Variants in NRXN1 observed in about 807,000 individuals in gnomAD.
NRXN1 encodes neurexin-1.
In NRXN1, 39 loss-of-function variants were observed where a neutral mutation model predicts 150.9. The ratio of observed to expected loss-of-function variants is 0.26; its 90% CI spans 0.20 to 0.34. The LOEUF is 0.34. Ranked by LOEUF, NRXN1 falls within the 10% of genes least tolerant of loss-of-function variation. The pLI, the probability that NRXN1 is intolerant of heterozygous loss-of-function variation, is 1.00. For synonymous variants in NRXN1, 924 were observed against 757.0 expected (o/e 1.22, Z -3.62); for missense variants, 1,815 against 1,949.9 (o/e 0.93, Z 1.30).
intron 17 of NRXN1, among the ~76,000 whole-genome samples, chr2:50,406,613 G>T (rs2082766389): frequency 6.6e-6 from 1 of 152,098 alleles, no homozygotes; most frequent in Admixed American, 6.6e-5. Context: ...GACAGAAAAG[G>T]AAGTTATATT....
chr2:49,932,223 C>G (rs1314629747), intron 22 of NRXN1, among the ~76,000 whole-genome samples: 1 of 152,004 alleles, frequency 6.6e-6, no homozygotes, highest in South Asian at 2.1e-4. Context: ...CCAGACTAGC[C>G]TGGGCAACAA....
chr2:50,309,731 T>C (rs187398288), intron 17 of NRXN1, among the ~76,000 whole-genome samples: 3 of 152,308 alleles, frequency 2.0e-5, no homozygotes, highest in African/African-American at 7.2e-5. Flanking sequence ...ATGGGACCCT[T>C]GCCAGCTGCC....
intron 5 of NRXN1, among the ~76,000 whole-genome samples, chr2:50,866,916 TACTA>T (rs1288752576): frequency 1.3e-5 from 2 of 152,068 alleles, no homozygotes; most frequent in African/African-American, 4.8e-5. Context: ...GCACAATCAC[TACTA>T]ACTGACAATG....
chr2:50,570,154 A>T (rs1489221161), intron 8 of NRXN1, among the ~76,000 whole-genome samples: 1 of 152,202 alleles, frequency 6.6e-6, no homozygotes, highest in Admixed American at 6.5e-5. Context: ...CCAATATCAA[A>T]GCAGGAATGT....
intron 2 of NRXN1, among the ~76,000 whole-genome samples, chr2:50,942,800 C>G (rs1575005051): frequency 6.6e-6 from 1 of 152,212 alleles, no homozygotes; most frequent in East Asian, 1.9e-4. Context: ...TGGACTTGGA[C>G]TTTTGAGTTA....
intron 2 of NRXN1, among the ~76,000 whole-genome samples, chr2:50,999,381 A>T (rs1553474806): frequency 6.6e-6 from 1 of 151,990 alleles, no homozygotes; most frequent in Non-Finnish European, 1.5e-5. Flanking sequence ...TAGAAAGGCA[A>T]ATAATCAGGA....
intron 21 of NRXN1, 127 bp downstream of exon 21, chr2:50,053,144 T>A (rs1007817820): frequency 2.3e-6 from 2 of 884,318 alleles, no homozygotes; most frequent in Non-Finnish European, 3.8e-6. Flanking sequence ...GTTAAGCTAG[T>A]TTCAAAGGAA....
At chr2:50,489,632 G>T (rs1199686695) in intron 15 of NRXN1, among the ~76,000 whole-genome samples, 1 of 152,068 alleles carries the variant, frequency 6.6e-6, no homozygotes, top group Non-Finnish European at 1.5e-5. Context: ...AAGTTCACGT[G>T]ATTCTAATGG....
rs1411686205 is a variant in NRXN1 at position 50,506,363 on chromosome 2, A to C, written c.2497+132T>G. On this transcript the variant is annotated intron_variant, in intron 13 of 22. Coordinates refer to ENST00000401669, the MANE Select transcript of NRXN1 (RefSeq NM_001330078.2). ...TTATTTAATAAAATAGTTACTAGAA[A>C]AAAATAGAATAAAAATGGATTGTGT... The C allele has an allele frequency of 7.9e-6, 6 of 758,150 alleles. No homozygotes were observed. In the South Asian group the frequency reaches 2.2e-4, roughly 28 times the overall value. The allele number at this position is 758,150 out of a possible 1,614,324, so 47.0% of individuals were successfully genotyped here.
At chr2:50,440,321 G>A (rs1250267422) in intron 17 of NRXN1, among the ~76,000 whole-genome samples, 1 of 152,082 alleles carries the variant, frequency 6.6e-6, no homozygotes, top group Non-Finnish European at 1.5e-5. Context: ...GTTTGGAGAT[G>A]GGATGCCGAG....
chr2:50,431,468 T>C (rs1170406841), intron 17 of NRXN1, among the ~76,000 whole-genome samples: 1 of 152,178 alleles, frequency 6.6e-6, no homozygotes, highest in Non-Finnish European at 1.5e-5. Context: ...AGAAAATCAA[T>C]TTTCAGCCTA....
At chr2:50,841,002 G>A (rs1672785365) in intron 5 of NRXN1, 1 of 152,552 alleles carries the variant, frequency 6.6e-6, no homozygotes, top group African/African-American at 2.4e-5. Context: ...CATAAATTCA[G>A]CTATGTCAAC....
At chr2:50,058,336 G>C (rs568982889) in intron 19 of NRXN1, among the ~76,000 whole-genome samples, 2 of 152,210 alleles carry the variant, frequency 1.3e-5, no homozygotes, top group East Asian at 3.9e-4. Flanking sequence ...AAGAAAGGTA[G>C]CCACACAAGG....
At chr2:50,172,036 T>A (rs1195849112) in intron 18 of NRXN1, among the ~76,000 whole-genome samples, 2 of 152,180 alleles carry the variant, frequency 1.3e-5, no homozygotes, top group African/African-American at 4.8e-5. Context: ...AGAAGAGAAT[T>A]CAGTACCTAT....
At chr2:50,821,604 T>C (rs1669741155) in intron 5 of NRXN1, among the ~76,000 whole-genome samples, 1 of 152,172 alleles carries the variant, frequency 6.6e-6, no homozygotes, top group Admixed American at 6.5e-5. Context: ...AGGTTAAGTG[T>C]CTTGTGAAAG....
At chr2:50,014,543 G>A (rs117641519) in intron 21 of NRXN1, among the ~76,000 whole-genome samples, 2 of 152,190 alleles carry the variant, frequency 1.3e-5, no homozygotes, top group African/African-American at 4.8e-5. Flanking sequence ...TGTGACAATC[G>A]AAAGTGTCTC....
At chr2:50,940,718 G>A (rs1689302092) in intron 2 of NRXN1, among the ~76,000 whole-genome samples, 1 of 152,208 alleles carries the variant, frequency 6.6e-6, no homozygotes, top group Non-Finnish European at 1.5e-5. Context: ...AATTTTAGAT[G>A]AGAAACTGGA....
At chr2:50,392,481 C>A (rs1223291698) in intron 17 of NRXN1, among the ~76,000 whole-genome samples, 1 of 152,038 alleles carries the variant, frequency 6.6e-6, no homozygotes, top group Non-Finnish European at 1.5e-5. Flanking sequence ...GAGAAGGTGC[C>A]TTAGACTGCA....
chr2:50,775,985 G>C (rs1329033642), intron 5 of NRXN1, among the ~76,000 whole-genome samples: 2 of 152,008 alleles, frequency 1.3e-5, no homozygotes, highest in Non-Finnish European at 2.9e-5. Context: ...ACCTCTAGAT[G>C]CTTAAAATCT....
Sources: gnomAD v4.1 joint callset for allele counts (sites outside exome capture counted in the v4.1 genomes callset) on GRCh38, gnomAD v4.1.1 for gene constraint, MANE v1.5 for transcripts, NCBI Gene and HGNC (gene_info 2026-07-23, HGNC 2026-07-21) for gene names.